The following CEP128 variants were observed in gnomAD, a reference collection of about 807,000 sequenced individuals.
CEP128 encodes the protein centrosomal protein 128.
CEP128 carries 132 observed loss-of-function variants against 156.7 expected under a neutral mutation model. The observed-to-expected ratio is 0.84, with a 90% CI of 0.73 to 0.97. CEP128 has a LOEUF of 0.97. Among genes scored for constraint, CEP128 ranks in the 50% least tolerant of loss-of-function variants. CEP128 has a pLI of 0.00. For missense variants in CEP128, 1,252 were observed against 1,281.9 expected (o/e 0.98, Z 0.36); for synonymous variants, 469 against 448.9 (o/e 1.04, Z -0.57).
At chr14:80,788,713 C>T (rs1205398695) in intron 14 of CEP128, among the ~76,000 whole-genome samples, 3 of 152,102 alleles carry the variant, frequency 2.0e-5, no homozygotes, top group African/African-American at 4.8e-5. Flanking sequence ...CAATATGATC[C>T]TCTCTTGCCC....
intron 19 of CEP128, among the ~76,000 whole-genome samples, chr14:80,667,783 G>A (rs2371332): frequency 0.15 from 22,015 of 150,082 alleles, 1,926 homozygotes; most frequent in East Asian, 0.42. Context: ...GCATGAACCC[G>A]GGAGGCAGAG....
chr14:80,705,555 G>GC (rs1224074564), intron 19 of CEP128, among the ~76,000 whole-genome samples: 1 of 152,234 alleles, frequency 6.6e-6, no homozygotes, highest in East Asian at 1.9e-4. Context: ...GGGAATGGGG[G>GC]ATTCTGAGGA....
At chr14:80,518,047 C>A (rs58978494) in intron 23 of CEP128, among the ~76,000 whole-genome samples, 3,446 of 151,066 alleles carry the variant, frequency 0.023, 126 homozygotes, top group African/African-American at 0.08. Context: ...ACCAGAAGGG[C>A]GTGCAGTTGC....
At chr14:80,553,471 G>A (rs113968132) in intron 21 of CEP128, among the ~76,000 whole-genome samples, 2,499 of 152,162 alleles carry the variant, frequency 0.016, 67 homozygotes, top group African/African-American at 0.057. Flanking sequence ...ACGTATTTCC[G>A]TTTCTGGGTT....
chr14:80,757,893 C>A (rs1341281594), intron 17 of CEP128, among the ~76,000 whole-genome samples: 1 of 152,186 alleles, frequency 6.6e-6, no homozygotes, highest in African/African-American at 2.4e-5. Flanking sequence ...TTTCTCTCAT[C>A]CACCTTTCTA....
At chr14:80,510,960 G>A (rs538322520) in intron 23 of CEP128, among the ~76,000 whole-genome samples, 154 of 151,490 alleles carry the variant, frequency 1.0e-3, no homozygotes, top group African/African-American at 3.6e-3. Flanking sequence ...GGGCTATTAT[G>A]AATAATCTTT....
At chr14:80,955,294 A>C in intron 2 of CEP128, 1 of 377,024 alleles carries the variant, frequency 2.7e-6, no homozygotes, top group East Asian at 5.3e-5. Context: ...AAGAGGAGGA[A>C]AGGAGGGGGC....
At chr14:80,641,951 G>A (rs149050365) in intron 19 of CEP128, among the ~76,000 whole-genome samples, 7,994 of 151,908 alleles carry the variant, frequency 0.053, 289 homozygotes, top group Non-Finnish European at 0.07. Flanking sequence ...TTAGCTGGGC[G>A]TGGTGGCGGG....
chr14:80,661,756 T>G (rs1177432269), intron 19 of CEP128, among the ~76,000 whole-genome samples: 1 of 152,212 alleles, frequency 6.6e-6, no homozygotes, highest in African/African-American at 2.4e-5. Flanking sequence ...ATAAGTACTT[T>G]TTCCTAGAGT....
intron 19 of CEP128, among the ~76,000 whole-genome samples, chr14:80,729,058 GGTGTGTGTGTGTGTGTGTGTGTGTGTGT>G (rs559470308): frequency 5.0e-4 from 53 of 105,056 alleles, no homozygotes; most frequent in African/African-American, 1.9e-3. Flanking sequence ...GGCTGGTGGG[GGTGTGTGTGTGTGTGTGTGTGTGTGTGT>G]GTGTGTGTGT....
downstream of CEP128, among the ~76,000 whole-genome samples, chr14:80,486,636 A>T (rs111621619): frequency 6.6e-6 from 1 of 152,248 alleles, no homozygotes; most frequent in Non-Finnish European, 1.5e-5. Context: ...TGGGTTACCC[A>T]CAAAGGGAAG....
intron 19 of CEP128, among the ~76,000 whole-genome samples, chr14:80,676,485 G>A (rs927256335): frequency 1.3e-5 from 2 of 151,814 alleles, no homozygotes; most frequent in African/African-American, 4.8e-5. Context: ...CTCCAAAGCA[G>A]GCAGTTTTAT....
At chr14:80,876,545 C>T (rs917726265) in intron 8 of CEP128, among the ~76,000 whole-genome samples, 5 of 150,240 alleles carry the variant, frequency 3.3e-5, no homozygotes, top group African/African-American at 9.8e-5. Flanking sequence ...TGCAGTGAGT[C>T]GAGATCGTGC....
chr14:80,696,235 A>C (rs1896888263), intron 19 of CEP128, among the ~76,000 whole-genome samples: 1 of 152,228 alleles, frequency 6.6e-6, no homozygotes. Flanking sequence ...TAAACAAGGA[A>C]TAACATAAGA....
chr14:80,802,254 A>G (rs1454363178), intron 13 of CEP128, among the ~76,000 whole-genome samples: 2 of 152,170 alleles, frequency 1.3e-5, no homozygotes. Flanking sequence ...TTATTGCGGC[A>G]CTATTTACAA....
chr14:80,879,072 G>T (rs1863766), intron 8 of CEP128, among the ~76,000 whole-genome samples: 74,821 of 151,918 alleles, frequency 0.49, 18,924 homozygotes, highest in African/African-American at 0.57. Flanking sequence ...GGCTCTGCAG[G>T]TATCACTAAC....
chr14:80,896,217 A>G lies in CEP128; in HGVS notation c.573-427T>C, dbSNP rs570518479. Among the ~76,000 whole-genome samples the G allele has an allele frequency of 4.6e-5, 7 of 152,356 alleles. No homozygotes were observed. The South Asian group carries it at 1.0e-3, about 23-fold the overall frequency. Reference sequence around the variant, plus strand: ...TCTTACACCCTCTTTCTAGCAATTTATAAAGAAAAGTGTGCTGTACAAACT... The same window carrying G: ...TCTTACACCCTCTTTCTAGCAATTTGTAAAGAAAAGTGTGCTGTACAAACT... On this transcript the variant is annotated intron_variant, in intron 7 of 24. Transcript: ENST00000555265.
chr14:80,784,891 G>T lies in CEP128; in HGVS notation c.2211+4C>A. ...GTATCATCAGGATAATTTAGCAGAGGTACCTTCAGAGTCCTGATATGATTC... is the reference window on the plus strand; with the variant it reads ...GTATCATCAGGATAATTTAGCAGAGTTACCTTCAGAGTCCTGATATGATTC... On this transcript the variant is annotated splice_donor_region_variant and intron_variant, in intron 15 of 24. Transcript: ENST00000555265. The T allele has an allele frequency of 5.6e-6, 9 of 1,593,260 alleles. No individual in the cohort carries two copies. Among genetic ancestry groups the T allele is most frequent in the Non-Finnish European group, 7.7e-6 (9 of 1,170,424 alleles).
chr14:80,722,233 T>A (rs912055877), intron 19 of CEP128, among the ~76,000 whole-genome samples: 3 of 152,162 alleles, frequency 2.0e-5, no homozygotes, highest in Non-Finnish European at 4.4e-5. Context: ...TTCAAATTAT[T>A]CATAGTGTCA....
Sources: allele counts gnomAD v4.1 joint callset (sites outside exome capture counted in the v4.1 genomes callset), GRCh38; gene constraint gnomAD v4.1.1; transcripts MANE v1.5; gene names NCBI Gene and HGNC (gene_info 2026-07-23, HGNC 2026-07-21).